BABAM2: variants seen among roughly 807,000 people sequenced by gnomAD.
BABAM2 encodes the protein BRISC and BRCA1-A complex member 2.
In BABAM2, 31 loss-of-function variants were observed where a neutral mutation model predicts 54.7. The observed-to-expected ratio is 0.57, with a 90% CI of 0.43 to 0.77. BABAM2 has a LOEUF of 0.77. Ranked by LOEUF, BABAM2 falls within the 30% of genes least tolerant of loss-of-function variation. The pLI is 0.00. For missense variants in BABAM2, 364 were observed against 455.8 expected, an observed-to-expected ratio of 0.80 and a Z score of 1.83; for synonymous variants, 167 against 162.9, an observed-to-expected ratio of 1.03 and a Z score of -0.19.
Position 27,937,645 on chromosome 2 carries a change from C to A in BABAM2, c.205+7737C>A, listed in dbSNP as rs61065160. On this transcript the variant is annotated intron_variant, in intron 3 of 11. Coordinates refer to ENST00000379624, the MANE Select transcript of BABAM2 (RefSeq NM_199191.3). Reference sequence around the variant, plus strand: ...AAAGTGTCTCTTTAGGTCTTTTACTCATTTTTAATTGGATTATTTTCTTCT... The same window carrying A: ...AAAGTGTCTCTTTAGGTCTTTTACTAATTTTTAATTGGATTATTTTCTTCT... 3.1e-3 allele frequency among the ~76,000 whole-genome samples: 479 copies of A among 152,266 alleles called. 4 individuals are homozygous for A. The highest frequency in any genetic ancestry group is 0.011 in the African/African-American group (459 of 41,554).
chr2:28,287,429 G>A lies in BABAM2; in HGVS notation c.935-10909G>A, dbSNP rs76683634. The stretch of plus-strand genomic sequence containing the variant: ...TTCTTTCTGCATCTCATAAAAGCAT[G>A]TTTCTTTGTACATGTCTAGTGCAGT... On this transcript the variant is annotated intron_variant, in intron 10 of 11. Coordinates refer to ENST00000379624, the MANE Select transcript of BABAM2 (RefSeq NM_199191.3). 3.5e-3 allele frequency among the ~76,000 whole-genome samples: 529 copies of A among 152,240 alleles called. 2 individuals are homozygous for A. The highest frequency in any genetic ancestry group is 0.012 in the African/African-American group (493 of 41,540).
intron 6 of BABAM2, among the ~76,000 whole-genome samples, chr2:28,120,752 T>C (rs1037016965): frequency 6.6e-6 from 1 of 152,120 alleles, no homozygotes; most frequent in African/African-American, 2.4e-5. Flanking sequence ...TGAAACAGCA[T>C]GGGGAATTCA....
In BABAM2 at chr2:28,072,665, G is replaced by A. The variant is rs551571762; in HGVS notation, c.570+26866G>A. On this transcript the variant is annotated intron_variant, in intron 6 of 11. Coordinates refer to ENST00000379624, the MANE Select transcript of BABAM2 (RefSeq NM_199191.3). ...CTCCCAAAGTGCTGGGATTACAGGCGTGAGCCACTGTGCCCGGCCAGCCTG... is the reference window on the plus strand; with the variant it reads ...CTCCCAAAGTGCTGGGATTACAGGCATGAGCCACTGTGCCCGGCCAGCCTG... Among the ~76,000 whole-genome samples, 23 of 152,256 alleles carry A rather than the reference G, an allele frequency of 1.5e-4. No individual in the cohort carries two copies. The East Asian group carries it at 2.5e-3, about 17-fold the overall frequency.
chr2:28,147,618 C>T (rs896650098), intron 7 of BABAM2, among the ~76,000 whole-genome samples: 5 of 151,882 alleles, frequency 3.3e-5, no homozygotes, highest in Admixed American at 6.6e-5. Context: ...GGACTACAGG[C>T]GCCCGCCACC....
rs914651066 is a variant in BABAM2 at position 28,022,027 on chromosome 2, G to C, written c.301-3199G>C. Among the ~76,000 whole-genome samples, 3 of 152,180 alleles carry C rather than the reference G, an allele frequency of 2.0e-5. No homozygotes were observed. The South Asian group carries it at 6.2e-4, about 32-fold the overall frequency. ...GGCCTTGAAACTACTATTCCTCACTGTCTTTCTGAAGAAGGAAGCTCTGAT... is the reference window on the plus strand; with the variant it reads ...GGCCTTGAAACTACTATTCCTCACTCTCTTTCTGAAGAAGGAAGCTCTGAT... On this transcript the variant is annotated intron_variant, in intron 4 of 11. Coordinates refer to ENST00000379624, the MANE Select transcript of BABAM2 (RefSeq NM_199191.3).
chr2:28,040,297 T>TTTTTTTTTTTTTTTTTTTTTC (rs1676980884), intron 5 of BABAM2, among the ~76,000 whole-genome samples: 1 of 50,664 alleles, frequency 2.0e-5, no homozygotes, highest in Non-Finnish European at 5.7e-5. Context: ...CTGAATTCTT[T>TTTTTTTTTTTTTTTTTTTTTC]TTTTTTTTTT....
intron 2 of BABAM2, among the ~76,000 whole-genome samples, chr2:27,905,472 G>A (rs1666124055): frequency 6.6e-6 from 1 of 152,128 alleles, no homozygotes; most frequent in Non-Finnish European, 1.5e-5. Context: ...TTATTAAGTA[G>A]TTATGGGGGT....
chr2:27,979,032 C>CTTTTTTTTT (rs35403760), intron 3 of BABAM2, among the ~76,000 whole-genome samples: 4 of 139,890 alleles, frequency 2.9e-5, no homozygotes, highest in South Asian at 2.2e-4. Flanking sequence ...TTCTTTTTTT[C>CTTTTTTTTT]TTTTTTTTTT....
chr2:28,241,860 A>G (rs1461706479), intron 9 of BABAM2, among the ~76,000 whole-genome samples: 4 of 100,072 alleles, frequency 4.0e-5, no homozygotes, highest in South Asian at 3.6e-4. Context: ...AGCTCCCAGG[A>G]TCCCTTTTTT....
chr2:28,162,836 T>G (rs551834232), intron 7 of BABAM2, among the ~76,000 whole-genome samples: 1 of 152,338 alleles, frequency 6.6e-6, no homozygotes, highest in South Asian at 2.1e-4. Context: ...TAGCCACAAG[T>G]GGAGAAAAGC....
chr2:27,971,739 C>T (rs912659105), intron 3 of BABAM2, among the ~76,000 whole-genome samples: 13 of 151,288 alleles, frequency 8.6e-5, no homozygotes, highest in Admixed American at 3.3e-4. Context: ...AGGATCATTA[C>T]TGATTTGTTT....
chr2:28,059,113 T>G (rs1462955797), intron 6 of BABAM2, among the ~76,000 whole-genome samples: 2 of 152,180 alleles, frequency 1.3e-5, no homozygotes, highest in African/African-American at 2.4e-5. Context: ...TTATTTTTAT[T>G]TATAAATACA....
At chr2:28,099,519 A>T (rs1200509640) in intron 6 of BABAM2, among the ~76,000 whole-genome samples, 3 of 152,214 alleles carry the variant, frequency 2.0e-5, no homozygotes, top group Non-Finnish European at 4.4e-5. Context: ...GTGTCTAGTT[A>T]TGCAGTACAA....
intron 11 of BABAM2, among the ~76,000 whole-genome samples, chr2:28,311,360 C>T (rs1689076611): frequency 6.6e-6 from 1 of 151,852 alleles, no homozygotes; most frequent in African/African-American, 2.4e-5. Context: ...AGGAGAGCAA[C>T]TTCCTTGCTT....
chr2:28,156,122 G>T (rs994568800), intron 7 of BABAM2, among the ~76,000 whole-genome samples: 1 of 152,096 alleles, frequency 6.6e-6, no homozygotes, highest in Non-Finnish European at 1.5e-5. Context: ...GATTTTGTTT[G>T]CCCAGAGTTA....
At chr2:27,940,111 C>G (rs1668766258) in intron 3 of BABAM2, among the ~76,000 whole-genome samples, 1 of 152,184 alleles carries the variant, frequency 6.6e-6, no homozygotes. Flanking sequence ...GCAACATATT[C>G]TATTACTTAA....
chr2:27,918,881 G>C (rs998422620), intron 2 of BABAM2, among the ~76,000 whole-genome samples: 7 of 151,888 alleles, frequency 4.6e-5, no homozygotes, highest in Admixed American at 4.6e-4. Flanking sequence ...GTAGAGACAG[G>C]GTTTCTCCAT....
chr2:28,127,540 A>G (rs1669662919), intron 6 of BABAM2, among the ~76,000 whole-genome samples: 1 of 152,156 alleles, frequency 6.6e-6, no homozygotes. Flanking sequence ...AGCTCTGTAG[A>G]GTTCAACAAG....
chr2:27,976,507 A>C lies in BABAM2; in HGVS notation c.206-11486A>C, dbSNP rs189249049. 8.0e-3 allele frequency among the ~76,000 whole-genome samples: 1,217 copies of C among 152,282 alleles called. 11 individuals carry two copies. The highest frequency in any genetic ancestry group is 0.041 in the Middle Eastern group (12 of 294). ...TTTATATGGCATTCTGGAAAAATGC[A>C]AAACTGAAGGGGCCAAGAGCAGGTC... On this transcript the variant is annotated intron_variant, in intron 3 of 11. Coordinates refer to ENST00000379624, the MANE Select transcript of BABAM2 (RefSeq NM_199191.3).
Sources: gnomAD v4.1 joint callset for allele counts (sites outside exome capture counted in the v4.1 genomes callset) on GRCh38, gnomAD v4.1.1 for gene constraint, MANE v1.5 for transcripts, NCBI Gene and HGNC (gene_info 2026-07-23, HGNC 2026-07-21) for gene names.